Variants in FAM13A observed in about 807,000 individuals in gnomAD.
FAM13A encodes family with sequence similarity 13 member A.
Under a neutral mutation model 129.6 loss-of-function variants are expected in FAM13A, and 76 were observed. That is an observed-to-expected ratio of 0.59 (90% CI 0.49 to 0.71). The LOEUF is 0.71. Among genes scored for constraint, FAM13A ranks in the 30% least tolerant of loss-of-function variants. The pLI is 0.00. For synonymous variants in FAM13A, 443 were observed against 449.9 expected (o/e 0.98, Z 0.20); for missense variants, 1,108 against 1,249.3 (o/e 0.89, Z 1.70).
chr4:89,020,265 T>G (rs114554590), intron 3 of FAM13A, among the ~76,000 whole-genome samples, 195 bp downstream of exon 3: 111,614 of 143,056 alleles, frequency 0.78, 43,779 homozygotes, highest in Middle Eastern at 0.86. Context: ...TAAAACTGGT[T>G]TTTTTTTTTC....
chr4:88,874,679 T>C lies in FAM13A; in HGVS notation c.844-23496A>G, dbSNP rs183457908. ...TGGAAGAACATTCCATGCTCATGCA[T>C]AGGAAGAATCAATATTGTGAAAATG... On this transcript the variant is annotated intron_variant, in intron 6 of 23. Transcript: ENST00000264344. 4.5e-3 allele frequency among the ~76,000 whole-genome samples: 690 copies of C among 152,318 alleles called. 1 individual carries two copies. Among genetic ancestry groups the C allele is most frequent in the Middle Eastern group, 0.017 (5 of 294 alleles).
At chr4:88,868,791 C>T (rs1237811537) in intron 6 of FAM13A, among the ~76,000 whole-genome samples, 1 of 152,140 alleles carries the variant, frequency 6.6e-6, no homozygotes, top group African/African-American at 2.4e-5. Context: ...TATAATCTCT[C>T]TATGACGTCA....
intron 19 of FAM13A, among the ~76,000 whole-genome samples, chr4:88,745,185 C>G (rs190784523): frequency 1.3e-5 from 2 of 152,116 alleles, no homozygotes; most frequent in South Asian, 2.1e-4. Context: ...GTGTGTGTGT[C>G]TGTAACATCA....
At chr4:88,742,243 C>T (rs111852244) in intron 19 of FAM13A, among the ~76,000 whole-genome samples, 1 of 152,194 alleles carries the variant, frequency 6.6e-6, no homozygotes, top group African/African-American at 2.4e-5. Flanking sequence ...AACCAATCTC[C>T]TTCCTTACTC....
At chr4:88,938,278 T>C (rs748730052) in intron 4 of FAM13A, 37 bp from the exon 5 acceptor site, 27 of 1,548,830 alleles carry the variant, frequency 1.7e-5, no homozygotes, top group Non-Finnish European at 1.1e-5. Flanking sequence ...AATTACTTAG[T>C]AAACACAACA....
At chr4:88,925,577 T>G (rs1413118984) in intron 5 of FAM13A, among the ~76,000 whole-genome samples, 8 of 128,172 alleles carry the variant, frequency 6.2e-5, no homozygotes, top group African/African-American at 8.6e-5. Context: ...AGGGGGGAGG[T>G]ATATCTCCTA....
chr4:89,054,731 T>A (rs1513821), intron 1 of FAM13A, among the ~76,000 whole-genome samples: 37,617 of 151,968 alleles, frequency 0.25, 4,748 homozygotes, highest in Non-Finnish European at 0.28. Context: ...CTAAAAGCTG[T>A]CACCATATCC....
intron 4 of FAM13A, among the ~76,000 whole-genome samples, chr4:88,987,808 C>A (rs926356120): frequency 2.4e-5 from 3 of 123,602 alleles, no homozygotes; most frequent in African/African-American, 9.5e-5. Context: ...CGCCACTGCA[C>A]TCCAGCCTGG....
At position 88,978,660 on chromosome 4, in the gene FAM13A, G is replaced by A. The variant is rs557144195; in HGVS notation, c.605+12313C>T. ...ACACAAAAAATTAGCTGGGCGTGGT[G>A]GTGGGCGCCTGTAGTCCCAGCTGCT... On this transcript the variant is annotated intron_variant, in intron 4 of 23. Transcript: ENST00000264344. Among the ~76,000 whole-genome samples the A allele has an allele frequency of 8.5e-5, 13 of 152,270 alleles. No homozygotes were observed. In the Middle Eastern group the frequency reaches 0.01, roughly 120 times the overall value.
chr4:88,888,356 A>G (rs1014720527), intron 6 of FAM13A, among the ~76,000 whole-genome samples: 3 of 152,214 alleles, frequency 2.0e-5, no homozygotes, highest in African/African-American at 4.8e-5. Flanking sequence ...ATCTTCTGCC[A>G]GTGGGATTCT....
intron 6 of FAM13A, among the ~76,000 whole-genome samples, chr4:88,852,742 C>T (rs1205812973): frequency 6.6e-6 from 1 of 152,142 alleles, no homozygotes; most frequent in East Asian, 1.9e-4. Flanking sequence ...AGACAATCCA[C>T]TTGTCAACCA....
intron 7 of FAM13A, among the ~76,000 whole-genome samples, chr4:88,835,002 C>A (rs187957444): frequency 1.0e-3 from 155 of 152,012 alleles, no homozygotes; most frequent in African/African-American, 3.5e-3. Flanking sequence ...TCTTGTTCAC[C>A]TTAAATTCAG....
intron 11 of FAM13A, among the ~76,000 whole-genome samples, chr4:88,768,793 G>A (rs553381750): frequency 1.3e-5 from 2 of 152,198 alleles, no homozygotes; most frequent in Non-Finnish European, 2.9e-5. Flanking sequence ...TGTATTTTCG[G>A]CTGACCAGGT....
chr4:88,745,702 T>C (rs1741167060), intron 19 of FAM13A, among the ~76,000 whole-genome samples: 2 of 152,152 alleles, frequency 1.3e-5, no homozygotes, highest in Admixed American at 6.5e-5. Flanking sequence ...AGTTTCACAG[T>C]GTATTTGAGC....
chr4:88,980,213 C>T (rs1761477458), intron 4 of FAM13A, among the ~76,000 whole-genome samples: 1 of 152,068 alleles, frequency 6.6e-6, no homozygotes, highest in African/African-American at 2.4e-5. Context: ...AAGATGAAGG[C>T]ACATAAGCTG....
intron 11 of FAM13A, among the ~76,000 whole-genome samples, chr4:88,777,894 T>C (rs1722092360): frequency 2.6e-5 from 4 of 152,220 alleles, no homozygotes; most frequent in African/African-American, 9.6e-5. Flanking sequence ...TTACTTGACC[T>C]ATCATCTGAT....
At chr4:88,920,211 C>T (rs556336587) in intron 5 of FAM13A, among the ~76,000 whole-genome samples, 5 of 152,078 alleles carry the variant, frequency 3.3e-5, no homozygotes, top group East Asian at 3.9e-4. Context: ...TCTCCCAGCA[C>T]GGAGCTGGAG....
intron 3 of FAM13A, among the ~76,000 whole-genome samples, chr4:89,016,304 T>C (rs1262678694): frequency 6.6e-6 from 1 of 152,266 alleles, no homozygotes; most frequent in Admixed American, 6.5e-5. Context: ...AAGGTATTTG[T>C]ATTTTAAGCT....
At chr4:88,960,781 C>G (rs1758497339) in intron 4 of FAM13A, among the ~76,000 whole-genome samples, 1 of 152,152 alleles carries the variant, frequency 6.6e-6, no homozygotes. Context: ...CAGGAAGCAG[C>G]TTTGTTTTAC....
Sources: allele counts gnomAD v4.1 joint callset (sites outside exome capture counted in the v4.1 genomes callset), GRCh38; gene constraint gnomAD v4.1.1; transcripts MANE v1.5; gene names NCBI Gene and HGNC (gene_info 2026-07-23, HGNC 2026-07-21).